Variants in ZNF469 observed in about 807,000 individuals in gnomAD.
ZNF469 encodes the protein zinc finger protein 469.
A neutral mutation model predicts 1.0 loss-of-function variants in ZNF469; 1 was observed. The ratio of observed to expected loss-of-function variants is 1.00; its 90% confidence interval spans 0.35 to 4.73. ZNF469 has a LOEUF of 4.73. Among genes scored for constraint, ZNF469 ranks in the 30% most tolerant of loss-of-function variants. The pLI, the probability that ZNF469 is intolerant of heterozygous loss-of-function variation, is 0.16. For missense variants in ZNF469, 6,100 were observed against 5,356.3 expected, an observed-to-expected ratio of 1.14 and a Z score of -4.33; for synonymous variants, 2,703 against 2,363.4, an observed-to-expected ratio of 1.14 and a Z score of -4.17.
At chr16:88,109,196 C>T in the ZNF469 span, among the ~76,000 whole-genome samples, 4 of 152,206 alleles carry the variant, frequency 2.6e-5, no homozygotes, top group Non-Finnish European at 5.9e-5. Context: ...CCTCATGTTT[C>T]CATTCAGGAC....
chr16:88,123,634 C>G, the ZNF469 span, among the ~76,000 whole-genome samples: 5 of 151,884 alleles, frequency 3.3e-5, no homozygotes, highest in Non-Finnish European at 1.5e-5. Flanking sequence ...TCAGCAGCGC[C>G]AAACCCTTGC....
At chr16:88,392,476 G>A (rs942398050) in intron 1 of ZNF469, among the ~76,000 whole-genome samples, 6 of 152,228 alleles carry the variant, frequency 3.9e-5, no homozygotes, top group Admixed American at 3.9e-4. Context: ...TTTCGTCTCT[G>A]AGAGTTCGTT....
the ZNF469 span, among the ~76,000 whole-genome samples, chr16:88,252,332 G>A: frequency 4.6e-5 from 7 of 150,746 alleles, no homozygotes; most frequent in African/African-American, 1.7e-4. Flanking sequence ...GATCTCCCCT[G>A]TATGTATATA....
chr16:88,393,795 C>T (rs1392501277), intron 1 of ZNF469, among the ~76,000 whole-genome samples: 1 of 152,238 alleles, frequency 6.6e-6, no homozygotes, highest in Non-Finnish European at 1.5e-5. Flanking sequence ...TGTGCGACGG[C>T]CATCATGGTT....
At chr16:88,105,108 C>T in the ZNF469 span, among the ~76,000 whole-genome samples, 1 of 152,118 alleles carries the variant, frequency 6.6e-6, no homozygotes, top group Non-Finnish European at 1.5e-5. Context: ...ATAGTCCCAA[C>T]CAGTTAGGAA....
At chr16:88,417,200 G>A (rs1203025856) in intron 1 of ZNF469, among the ~76,000 whole-genome samples, 1 of 137,834 alleles carries the variant, frequency 7.3e-6, no homozygotes, top group Non-Finnish European at 1.6e-5. Flanking sequence ...CTCAAAGCCA[G>A]GGGCGAAAGA....
chr16:88,141,178 G>A, the ZNF469 span, among the ~76,000 whole-genome samples: 1 of 152,212 alleles, frequency 6.6e-6, no homozygotes, highest in Non-Finnish European at 1.5e-5. Flanking sequence ...TAGAAAAATA[G>A]AATAGTTGTA....
In ZNF469 at chr16:88,438,044, A is replaced by T; in HGVS notation, c.10574A>T (p.Glu3525Val). Residue 3525 changes from glutamate (E) to valine (V), a missense_variant, in exon 3 of 3, where the codon GAG (glutamate) becomes GTG (valine). Physicochemically the swap from Glu to Val is moderately radical, Grantham distance 121. Coordinates refer to ENST00000565624, the MANE Select transcript of ZNF469 (RefSeq NM_001367624.2). ...VAPSTTKGWPETLERPVDPVT... is the reference protein window; with the variant it reads ...VAPSTTKGWPVTLERPVDPVT... ...CCCAGCACCACCAAGGGATGGCCCG[A>T]GACCCTAGAGAGGCCTGTAGACCCC... The T allele has an allele frequency of 3.9e-6, 6 of 1,550,252 alleles. No individual in the cohort carries two copies. Among genetic ancestry groups the T allele is most frequent in the Non-Finnish European group, 5.2e-6 (6 of 1,146,950 alleles).
chr16:88,196,099 G>C, the ZNF469 span, among the ~76,000 whole-genome samples: 1 of 152,248 alleles, frequency 6.6e-6, no homozygotes, highest in African/African-American at 2.4e-5. Context: ...GAGTCTGTGA[G>C]GCCAGCCCTC....
intron 1 of ZNF469, among the ~76,000 whole-genome samples, chr16:88,388,310 C>T (rs1382929434): frequency 6.6e-6 from 1 of 152,260 alleles, no homozygotes; most frequent in Non-Finnish European, 1.5e-5. Context: ...CTAACAGCGC[C>T]TGTCCTGTCT....
chr16:88,306,387 AGTT>A, the ZNF469 span, among the ~76,000 whole-genome samples: 4 of 152,234 alleles, frequency 2.6e-5, no homozygotes, highest in Non-Finnish European at 5.9e-5. Flanking sequence ...AGCCTGTCAC[AGTT>A]GTTCTCTGTA....
At chr16:88,262,499 C>T in the ZNF469 span, among the ~76,000 whole-genome samples, 2 of 152,154 alleles carry the variant, frequency 1.3e-5, no homozygotes, top group Admixed American at 1.3e-4. The surrounding 1 kb of genome is among the most constrained non-coding windows in gnomAD (Gnocchi z 4.3). Context: ...TCCTCCACGG[C>T]TGGAGGAAGA....
At chr16:88,269,073 G>C in the ZNF469 span, among the ~76,000 whole-genome samples, 2 of 152,230 alleles carry the variant, frequency 1.3e-5, no homozygotes, top group Admixed American at 1.3e-4. Flanking sequence ...GGTATGCTGG[G>C]TCCCTCTGCT....
chr16:88,214,643 A>G, the ZNF469 span, among the ~76,000 whole-genome samples: 8 of 152,158 alleles, frequency 5.3e-5, no homozygotes, highest in East Asian at 1.5e-3. Context: ...TCCTAATGTT[A>G]TCCCTCCTCT....
chr16:88,215,339 A>G, the ZNF469 span, among the ~76,000 whole-genome samples: 3 of 148,316 alleles, frequency 2.0e-5, no homozygotes, highest in African/African-American at 7.5e-5. Context: ...CTTTCTATTT[A>G]GCCATCTCTT....
chr16:88,426,496 G>A (rs535294509), intron 2 of ZNF469, among the ~76,000 whole-genome samples: 1 of 152,390 alleles, frequency 6.6e-6, no homozygotes, highest in South Asian at 2.1e-4. Context: ...TGATGAGTGT[G>A]AAGCCAGCCC....
the ZNF469 span, among the ~76,000 whole-genome samples, chr16:88,268,203 G>A: frequency 6.6e-6 from 1 of 152,098 alleles, no homozygotes; most frequent in Non-Finnish European, 1.5e-5. Flanking sequence ...TTCTAGGACA[G>A]TTGTGGCATG....
Position 88,403,015 on chromosome 16 carries a change from A to G in ZNF469, c.-192+19761A>G, listed in dbSNP as rs112525810. Among the ~76,000 whole-genome samples the G allele has an allele frequency of 8.5e-5, 13 of 152,348 alleles. 1 individual carries two copies. Among genetic ancestry groups the G allele is most frequent in the African/African-American group, 3.1e-4 (13 of 41,584 alleles). ...AATGGCAACACCCGCCGTGCATACC[A>G]GAGTGTGGACGCGTGGGAGACATGG... On this transcript the variant is annotated intron_variant, in intron 1 of 2. Coordinates refer to ENST00000565624, the MANE Select transcript of ZNF469 (RefSeq NM_001367624.2).
chr16:88,433,373 C>T lies in ZNF469; in HGVS notation c.5903C>T (p.Pro1968Leu). The change falls in exon 3 of 3, where the codon CCT (proline) becomes CTT (leucine). Residue 1968 changes from proline to leucine, a missense_variant. Transcript: ENST00000565624. ...SPGGVQVTTL[P>L]AVAGHQLGLE... ...GGGGGTGTGCAGGTGACAACTCTCC[C>T]TGCAGTGGCCGGACATCAGCTGGGG... The T allele has an allele frequency of 6.5e-7, 1 of 1,550,354 alleles. No homozygotes were observed. Among genetic ancestry groups the T allele is most frequent in the Non-Finnish European group, 8.7e-7 (1 of 1,146,960 alleles).
Sources: allele counts gnomAD v4.1 joint callset (sites outside exome capture counted in the v4.1 genomes callset), GRCh38; gene constraint gnomAD v4.1.1; non-coding constraint Gnocchi (gnomAD v3.1); transcripts MANE v1.5; gene names NCBI Gene and HGNC (gene_info 2026-07-23, HGNC 2026-07-21).